WWC1: variants seen among roughly 807,000 people sequenced by gnomAD.
WWC1 encodes protein KIBRA.
A neutral mutation model predicts 138.4 loss-of-function variants in WWC1; 55 were observed. That is an observed-to-expected ratio of 0.40 (90% CI 0.32 to 0.50). The LOEUF (loss-of-function observed/expected upper bound fraction) is 0.50, where lower values mean the gene tolerates loss of function less well. Among genes scored for constraint, WWC1 ranks in the 20% least tolerant of loss-of-function variants. The pLI, the probability that WWC1 is intolerant of heterozygous loss-of-function variation, is 0.72. For missense variants in WWC1, 1,226 were observed against 1,420.4 expected, an observed-to-expected ratio of 0.86 and a Z score of 2.20; for synonymous variants, 524 against 564.9, an observed-to-expected ratio of 0.93 and a Z score of 1.03.
chr5:168,321,438 A>G (rs1772069136), intron 1 of WWC1, among the ~76,000 whole-genome samples: 1 of 151,894 alleles, frequency 6.6e-6, no homozygotes, highest in Admixed American at 6.6e-5. Flanking sequence ...CCTCCTTCTC[A>G]GGGCCCAGCT....
chr5:168,460,434 A>G (rs945841041), intron 19 of WWC1, among the ~76,000 whole-genome samples: 1 of 152,250 alleles, frequency 6.6e-6, no homozygotes, highest in African/African-American at 2.4e-5. Context: ...TCGTGCAGAT[A>G]CTAGCATGGA....
chr5:168,451,576 C>T (rs778743879), intron 17 of WWC1, among the ~76,000 whole-genome samples: 1 of 152,094 alleles, frequency 6.6e-6, no homozygotes, highest in Non-Finnish European at 1.5e-5. Flanking sequence ...TGGCACGTGC[C>T]TGTAGTACTA....
chr5:168,343,217 C>A (rs535233763), intron 1 of WWC1, among the ~76,000 whole-genome samples: 2 of 146,834 alleles, frequency 1.4e-5, no homozygotes, highest in South Asian at 2.1e-4. Flanking sequence ...TTCTTGATGA[C>A]GGGGCCAAAC....
rs371498398 is a variant in WWC1 at position 168,431,305 on chromosome 5, G to A, written c.2141G>A (p.Arg714Gln). Residue 714 changes from arginine (R) to glutamine (Q), a missense_variant, in exon 15 of 23, where the codon CGG becomes CAG. Arg to Gln is a conservative substitution (Grantham distance 43). Transcript: ENST00000265293. ...TCTGAAAGCACAACCTGCCTGTTCC[G>A]GACCCGGCCTCTGGACGCCTCAGAC... ...PCSESTTCLF[R>Q]TRPLDASDTL... 5.0e-6 allele frequency: 8 copies of A among 1,614,138 alleles called. No homozygotes were observed. The East Asian group carries it at 6.7e-5, about 13-fold the overall frequency.
At chr5:168,394,334 T>G (rs1778726222) in intron 3 of WWC1, among the ~76,000 whole-genome samples, 2 of 152,260 alleles carry the variant, frequency 1.3e-5, no homozygotes, top group Admixed American at 1.3e-4. Flanking sequence ...TATGTTGGAC[T>G]GTTAAACTGT....
At position 168,438,546 on chromosome 5, in the gene WWC1, G is replaced by A. The variant is rs184148058; in HGVS notation, c.2281-3136G>A. 1.1e-4 allele frequency among the ~76,000 whole-genome samples: 16 copies of A among 152,284 alleles called. 1 individual carries two copies. The East Asian group carries it at 2.9e-3, about 28-fold the overall frequency. On this transcript the variant is annotated intron_variant, in intron 15 of 22. Coordinates refer to ENST00000265293, the MANE Select transcript of WWC1 (RefSeq NM_015238.3). ...TTATAAATGACTCAGTCTCGGGTATGCCTTTATTAGCAGCATGAGAACGGA... is the reference window on the plus strand; with the variant it reads ...TTATAAATGACTCAGTCTCGGGTATACCTTTATTAGCAGCATGAGAACGGA...
At chr5:168,314,915 GT>G (rs778253586) in intron 1 of WWC1, among the ~76,000 whole-genome samples, 3 of 152,206 alleles carry the variant, frequency 2.0e-5, no homozygotes, top group Non-Finnish European at 2.9e-5. Context: ...TGGCTCACCT[GT>G]GCACAGCATT....
intron 2 of WWC1, among the ~76,000 whole-genome samples, chr5:168,375,001 G>A (rs980693852): frequency 1.3e-5 from 2 of 152,194 alleles, no homozygotes; most frequent in African/African-American, 4.8e-5. Flanking sequence ...ACTGCAGGGG[G>A]AGTAGACTTA....
chr5:168,363,524 CAAAAAAAAA>C (rs386405611), intron 1 of WWC1, among the ~76,000 whole-genome samples: 3 of 65,790 alleles, frequency 4.6e-5, no homozygotes, highest in African/African-American at 2.1e-4. Flanking sequence ...GACTCTGTCT[CAAAAAAAAA>C]AAAAAAAAAA....
chr5:168,303,598 GATC>G, intron 1 of WWC1, among the ~76,000 whole-genome samples: 2 of 152,264 alleles, frequency 1.3e-5, no homozygotes, highest in East Asian at 3.9e-4. Context: ...GACAGAGTGA[GATC>G]ATCTCAAGAA....
intron 3 of WWC1, among the ~76,000 whole-genome samples, chr5:168,396,349 C>G (rs1778904718): frequency 6.6e-6 from 1 of 152,086 alleles, no homozygotes; most frequent in Admixed American, 6.5e-5. Context: ...TGCCACTGCA[C>G]TGCAGCCTGG....
intron 15 of WWC1, among the ~76,000 whole-genome samples, chr5:168,436,430 C>T (rs2152865364): frequency 6.6e-6 from 1 of 152,266 alleles, no homozygotes; most frequent in Non-Finnish European, 1.5e-5. Context: ...CTTGATCCTC[C>T]CCTTTTCTAC....
At chr5:168,397,489 C>T (rs1426396594) in intron 3 of WWC1, among the ~76,000 whole-genome samples, 1 of 152,164 alleles carries the variant, frequency 6.6e-6, no homozygotes, top group East Asian at 1.9e-4. Flanking sequence ...CTTGCTTTCA[C>T]ATAATGAGTT....
intron 1 of WWC1, among the ~76,000 whole-genome samples, chr5:168,333,247 G>A (rs530174427): frequency 2.0e-5 from 3 of 152,184 alleles, no homozygotes; most frequent in African/African-American, 7.2e-5. Flanking sequence ...CTCCTTGCCC[G>A]CCTCTTTCCC....
Position 168,431,344 on chromosome 5 carries a change from A to T in WWC1, c.2180A>T (p.Asn727Ile). 6.2e-7 allele frequency: 1 copy of T among 1,614,118 alleles called. No individual in the cohort carries two copies. The highest frequency in any genetic ancestry group is 8.5e-7 in the Non-Finnish European group (1 of 1,180,014). Reference protein sequence around the residue: ...PLDASDTLVFNEVFWVSMSYP... With the variant: ...PLDASDTLVFIEVFWVSMSYP... The stretch of plus-strand genomic sequence containing the variant: ...GACGCCTCAGACACTCTAGTGTTCA[A>T]TGAGGTGTTCTGGGTATCCATGTCC... Residue 727 changes from asparagine (N) to isoleucine (I), a missense_variant, in exon 15 of 23, where the codon AAT becomes ATT. By Grantham distance (149) the Asn-to-Ile change is moderately radical (BLOSUM62 -3). Transcript: ENST00000265293.
intron 15 of WWC1, among the ~76,000 whole-genome samples, chr5:168,434,588 C>A (rs1782210573): frequency 6.6e-6 from 1 of 152,182 alleles, no homozygotes; most frequent in African/African-American, 2.4e-5. Flanking sequence ...CCAGGTCATC[C>A]AAGGAGAAAA....
rs142343179 is a variant in WWC1 at position 168,438,938 on chromosome 5, G to T, written c.2281-2744G>T. 2.5e-3 allele frequency among the ~76,000 whole-genome samples: 387 copies of T among 152,102 alleles called. 1 individual carries two copies. The highest frequency in any genetic ancestry group is 0.017 in the Middle Eastern group (5 of 292). On this transcript the variant is annotated intron_variant, in intron 15 of 22. Coordinates refer to ENST00000265293, the MANE Select transcript of WWC1 (RefSeq NM_015238.3). ...ATTCAAAGAAAAATTGTATGGAAAGGTTTACTGAAGAGAAATCATGCTCTT... is the reference window on the plus strand; with the variant it reads ...ATTCAAAGAAAAATTGTATGGAAAGTTTTACTGAAGAGAAATCATGCTCTT...
intron 1 of WWC1, among the ~76,000 whole-genome samples, chr5:168,369,563 C>T (rs191250610): frequency 3.5e-4 from 54 of 152,284 alleles, no homozygotes; most frequent in Admixed American, 5.9e-4. Context: ...CCACCATACC[C>T]GGCTAATTTA....
At chr5:168,297,355 G>A (rs528910426) in intron 1 of WWC1, among the ~76,000 whole-genome samples, 1 of 152,240 alleles carries the variant, frequency 6.6e-6, no homozygotes, top group East Asian at 1.9e-4. Flanking sequence ...AGCCTGGTGC[G>A]GTGGCTCATG....
Sources: gnomAD v4.1 joint callset for allele counts (sites outside exome capture counted in the v4.1 genomes callset) on GRCh38, gnomAD v4.1.1 for gene constraint, MANE v1.5 for transcripts, NCBI Gene and HGNC (gene_info 2026-07-23, HGNC 2026-07-21) for gene names.